Variants in THSD7A observed in about 807,000 individuals in gnomAD.
THSD7A encodes thrombospondin type 1 domain containing 7A, also known as thrombospondin type-1 domain-containing protein 7A.
THSD7A carries 96 observed loss-of-function variants against 231.3 expected under a neutral mutation model. The observed-to-expected ratio is 0.41, with a 90% CI of 0.35 to 0.49. The LOEUF (loss-of-function observed/expected upper bound fraction) is 0.49. THSD7A is among the 20% of genes least tolerant of loss of function. The pLI, the probability that THSD7A is intolerant of heterozygous loss-of-function variation, is 0.05. For synonymous variants in THSD7A, 940 were observed against 743.3 expected (o/e 1.26, Z -4.30); for missense variants, 2,290 against 2,070.2 (o/e 1.11, Z -2.06).
intron 1 of THSD7A, among the ~76,000 whole-genome samples, chr7:11,697,627 T>C (rs574760082): frequency 6.6e-6 from 1 of 151,518 alleles, no homozygotes; most frequent in African/African-American, 2.4e-5. Context: ...CTCCAAAAGA[T>C]AATAATAATC....
At position 11,638,832 on chromosome 7, in the gene THSD7A, C is replaced by T. The variant is rs180846595; in HGVS notation, c.191-1871G>A. 3.3e-5 allele frequency among the ~76,000 whole-genome samples: 5 copies of T among 152,168 alleles called. No homozygotes were observed. The East Asian group carries it at 9.7e-4, about 29-fold the overall frequency. ...GCAATCCACCTAATAATATTTTAATCTTATTTTTAACTTGCCAAAGAAAAA... is the reference window on the plus strand; with the variant it reads ...GCAATCCACCTAATAATATTTTAATTTTATTTTTAACTTGCCAAAGAAAAA... On this transcript the variant is annotated intron_variant, in intron 1 of 27. Transcript: ENST00000423059.
chr7:11,517,956 C>T (rs1441754695), intron 6 of THSD7A, among the ~76,000 whole-genome samples: 2 of 152,266 alleles, frequency 1.3e-5, no homozygotes, highest in Non-Finnish European at 1.5e-5. Flanking sequence ...GTAAGACAGA[C>T]ACATTGTCTG....
Position 11,428,975 on chromosome 7 carries a change from G to A in THSD7A, c.3215C>T (p.Pro1072Leu), listed in dbSNP as rs1363929386. 1.9e-6 allele frequency: 3 copies of A among 1,610,990 alleles called. No homozygotes were observed. The highest frequency in any genetic ancestry group is 2.5e-6 in the Non-Finnish European group (3 of 1,178,716). Residue 1072 changes from proline (P) to leucine (L), a missense_variant, in exon 14 of 28, where the codon CCT becomes CTT. Coordinates refer to ENST00000423059, the MANE Select transcript of THSD7A (RefSeq NM_015204.3). ...LREKPYNGGR[P>L]CPKLDHVNQA... Reference sequence around the variant, plus strand: ...GTTGACATGGTCCAGTTTGGGGCAAGGCCTTCCTCCATTATATGGTTTTTC... The same window carrying A: ...GTTGACATGGTCCAGTTTGGGGCAAAGCCTTCCTCCATTATATGGTTTTTC...
chr7:11,758,606 G>A (rs190113926), intron 1 of THSD7A, among the ~76,000 whole-genome samples: 19 of 152,116 alleles, frequency 1.2e-4, no homozygotes, highest in African/African-American at 4.3e-4. Context: ...CTCCCACAAC[G>A]TGAATGTATC....
At chr7:11,574,727 C>T (rs563664541) in intron 4 of THSD7A, among the ~76,000 whole-genome samples, 8 of 152,130 alleles carry the variant, frequency 5.3e-5, no homozygotes, top group South Asian at 2.1e-4. Flanking sequence ...TGAGCCACCG[C>T]GCCCGGCCAA....
intron 4 of THSD7A, among the ~76,000 whole-genome samples, chr7:11,562,723 A>AT (rs1278884703): frequency 4.0e-5 from 6 of 151,790 alleles, no homozygotes; most frequent in East Asian, 1.9e-4. Flanking sequence ...TTCCCTTTTT[A>AT]TTTTTTTTAA....
At chr7:11,415,943 T>G (rs562381920) in intron 17 of THSD7A, among the ~76,000 whole-genome samples, 2 of 152,340 alleles carry the variant, frequency 1.3e-5, no homozygotes, top group South Asian at 4.1e-4. Flanking sequence ...AAAAATCTTT[T>G]CCAACCACGT....
chr7:11,684,804 C>A (rs12538094), intron 1 of THSD7A, among the ~76,000 whole-genome samples: 22,834 of 151,884 alleles, frequency 0.15, 1,846 homozygotes, highest in Admixed American at 0.19. Flanking sequence ...CTGTTCAAAG[C>A]AATCTACAGA....
intron 1 of THSD7A, among the ~76,000 whole-genome samples, chr7:11,765,604 T>C (rs1174905083): frequency 6.6e-6 from 1 of 152,214 alleles, no homozygotes; most frequent in Non-Finnish European, 1.5e-5. Flanking sequence ...ATTTTATTTT[T>C]GAATTACATT....
chr7:11,754,366 T>A (rs1209604336), intron 1 of THSD7A, among the ~76,000 whole-genome samples: 1 of 151,988 alleles, frequency 6.6e-6, no homozygotes, highest in Non-Finnish European at 1.5e-5. Flanking sequence ...AGAGGAAAAT[T>A]CACTGAAGTG....
chr7:11,769,153 A>ATTTTTT (rs1227041855), intron 1 of THSD7A, among the ~76,000 whole-genome samples: 2 of 27,650 alleles, frequency 7.2e-5, no homozygotes, highest in African/African-American at 2.5e-4. Flanking sequence ...ATATATATAT[A>ATTTTTT]TTTTTTTTTT....
intron 2 of THSD7A, among the ~76,000 whole-genome samples, chr7:11,627,837 C>A (rs953804926): frequency 1.3e-5 from 2 of 151,932 alleles, no homozygotes; most frequent in African/African-American, 4.8e-5. Flanking sequence ...AATATAAATA[C>A]CTTTGGTAGG....
Position 11,412,805 on chromosome 7 carries a change from A to G in THSD7A, c.3538-5T>C. ...GAAACTGCTTTGATTGCAAGGCTTA[A>G]AAAGAACAGTACAAATTCTCAGAAA... On this transcript the variant is annotated splice_polypyrimidine_tract_variant and splice_region_variant and intron_variant, in intron 17 of 27. Transcript: ENST00000423059. The G allele has an allele frequency of 6.2e-7, 1 of 1,609,392 alleles. No homozygotes were observed. Among genetic ancestry groups the G allele is most frequent in the Non-Finnish European group, 8.5e-7 (1 of 1,177,438 alleles).
intron 4 of THSD7A, among the ~76,000 whole-genome samples, chr7:11,582,309 GTAT>G (rs1202641852): frequency 6.6e-6 from 1 of 151,584 alleles, no homozygotes; most frequent in Non-Finnish European, 1.5e-5. Context: ...ACCAAAATAT[GTAT>G]TATTACTTAA....
At chr7:11,581,368 A>G (rs1791154818) in intron 4 of THSD7A, among the ~76,000 whole-genome samples, 2 of 152,088 alleles carry the variant, frequency 1.3e-5, no homozygotes, top group African/African-American at 4.8e-5. Flanking sequence ...TTAGCTTAAT[A>G]TGACTCATAT....
chr7:11,399,144 G>C (rs1197728767), intron 23 of THSD7A, among the ~76,000 whole-genome samples: 1 of 152,100 alleles, frequency 6.6e-6, no homozygotes, highest in Non-Finnish European at 1.5e-5. Flanking sequence ...TTTAAATTTT[G>C]GGAAAACTCA....
chr7:11,829,754 C>G lies in THSD7A; in HGVS notation c.190+2003G>C, dbSNP rs1484627432. Among the ~76,000 whole-genome samples the G allele has an allele frequency of 2.0e-5, 3 of 151,442 alleles. No homozygotes were observed. In the East Asian group the frequency reaches 5.8e-4, roughly 29 times the overall value. Reference sequence around the variant, plus strand: ...AAATATTCTCTAGTTCTTTTGAGAACTACGTTCAACTCCTTTACAGATATA... The same window carrying G: ...AAATATTCTCTAGTTCTTTTGAGAAGTACGTTCAACTCCTTTACAGATATA... On this transcript the variant is annotated intron_variant, in intron 1 of 27. Coordinates refer to ENST00000423059, the MANE Select transcript of THSD7A (RefSeq NM_015204.3).
chr7:11,652,134 A>G (rs1446893989), intron 1 of THSD7A, among the ~76,000 whole-genome samples: 3 of 151,936 alleles, frequency 2.0e-5, no homozygotes, highest in Non-Finnish European at 4.4e-5. Context: ...ATTTATAGAT[A>G]CATATTAAAT....
chr7:11,816,573 G>C (rs181695348), intron 1 of THSD7A, among the ~76,000 whole-genome samples: 1 of 149,300 alleles, frequency 6.7e-6, no homozygotes, highest in Admixed American at 6.9e-5. Flanking sequence ...CAGGAAGATG[G>C]TTAGACATAA....
Sources: gnomAD v4.1 joint callset for allele counts (sites outside exome capture counted in the v4.1 genomes callset) on GRCh38, gnomAD v4.1.1 for gene constraint, MANE v1.5 for transcripts, NCBI Gene and HGNC (gene_info 2026-07-23, HGNC 2026-07-21) for gene names.